The following FCHO1 variants were observed in gnomAD, a reference collection of about 807,000 sequenced individuals.
FCHO1 encodes FCH and mu domain containing endocytic adaptor 1, also known as F-BAR domain only protein 1.
A neutral mutation model predicts 114.4 loss-of-function variants in FCHO1; 45 were observed. The ratio of observed to expected loss-of-function variants is 0.39; its 90% CI spans 0.31 to 0.50. The LOEUF is 0.50. Ranked by LOEUF, FCHO1 falls within the 20% of genes least tolerant of loss-of-function variation. The pLI, the probability that FCHO1 is intolerant of heterozygous loss-of-function variation, is 0.77. For missense variants in FCHO1, 1,042 were observed against 1,209.6 expected, an observed-to-expected ratio of 0.86 and a Z score of 2.06; for synonymous variants, 480 against 488.9, an observed-to-expected ratio of 0.98 and a Z score of 0.24.
chr19:17,786,502 C>A, intron 26 of FCHO1, 72 bp from the exon 27 acceptor site: 1 of 1,497,208 alleles, frequency 6.7e-7, no homozygotes, highest in Non-Finnish European at 9.2e-7. Context: ...AGCCAGGAGG[C>A]AGCTGAGGCA....
chr19:17,772,191 T>C (rs1265363559), intron 9 of FCHO1, among the ~76,000 whole-genome samples: 1 of 149,308 alleles, frequency 6.7e-6, no homozygotes, highest in East Asian at 2.0e-4. Context: ...TGTGTGTGTG[T>C]GCATGTGTGT....
upstream of FCHO1, chr19:17,747,921 G>C (rs530613059): frequency 6.6e-6 from 1 of 152,358 alleles, no homozygotes; most frequent in Non-Finnish European, 1.5e-5. Flanking sequence ...GGCGCGGCGG[G>C]ACGCGAGGGA....
In FCHO1 at chr19:17,776,696, A is replaced by G; in HGVS notation, c.1259+10A>G. ...CCCCCAGAACCAGCAGGTGGGTTCC[A>G]CACGAGTGGGCAGGTGGGGGCTGTC... On this transcript the variant is annotated intron_variant, in intron 18 of 28. Transcript: ENST00000596536. This position sits in a 1 kb window ranked among gnomAD's most constrained non-coding sequence, Gnocchi z 4.4. 1 of 1,613,470 alleles carries G rather than the reference A, an allele frequency of 6.2e-7. No individual in the cohort carries two copies. Among genetic ancestry groups the G allele is most frequent in the South Asian group, 1.1e-5 (1 of 91,060 alleles).
In FCHO1 at chr19:17,751,728, G is replaced by A. The variant is rs541741293; in HGVS notation, c.-183+151G>A. On this transcript the variant is annotated intron_variant, in intron 1 of 28. Transcript: ENST00000596536. The surrounding 1 kb of genome is among the most constrained non-coding windows in gnomAD (Gnocchi z 4.4). ...GGCCAAAGCCTGCATGGGGCCACCC[G>A]TTGCCCTGCCCCCCGTCCCCCATTC... is the stretch of plus-strand genomic sequence containing the variant. Among the ~76,000 whole-genome samples, 3 of 152,352 alleles carry A rather than the reference G, an allele frequency of 2.0e-5. No individual in the cohort carries two copies. The highest frequency in any genetic ancestry group is 1.9e-4 in the East Asian group (1 of 5,182).
At chr19:17,752,510 TCGGCCTCCCAAAG>T (rs879617886) in intron 1 of FCHO1, 63,226 of 151,792 alleles carry the variant, frequency 0.42, 15,095 homozygotes, top group East Asian at 0.74. Context: ...TCCACCCACC[TCGGCCTCCCAAAG>T]TGCTGGGATT....
chr19:17,772,567 A>G lies in FCHO1; in HGVS notation c.693+12A>G. ...TGCAGATTGGGCAGGTGAGTTGGGC[A>G]GGTGTGAGGAATGAGGCTGGGGTCA... On this transcript the variant is annotated intron_variant, in intron 10 of 28. Transcript: ENST00000596536. The G allele has an allele frequency of 1.2e-6, 2 of 1,614,024 alleles. No homozygotes were observed. Among genetic ancestry groups the G allele is most frequent in the South Asian group, 1.1e-5 (1 of 91,084 alleles).
At chr19:17,762,660 C>T (rs535614664) in intron 4 of FCHO1, 102 bp from the exon 5 acceptor site, 541 of 856,920 alleles carry the variant, frequency 6.3e-4, no homozygotes, top group Middle Eastern at 2.6e-3. Context: ...CAAGTCCCTA[C>T]AGCCAAGGGG....
At chr19:17,762,378 G>A (rs1041792569) in intron 4 of FCHO1, among the ~76,000 whole-genome samples, 2 of 150,824 alleles carry the variant, frequency 1.3e-5, no homozygotes, top group Non-Finnish European at 2.9e-5. Context: ...AGTATCCCCT[G>A]TGGCCACATA....
In FCHO1 at chr19:17,770,589, G is replaced by C. The variant is rs375019038; in HGVS notation, c.489+12G>C. ...AGGAGATGGACAAGGTGGGCTCACAGTGGGGGGGTTCTGAGGAATTTGCCG... is the reference window on the plus strand; with the variant it reads ...AGGAGATGGACAAGGTGGGCTCACACTGGGGGGGTTCTGAGGAATTTGCCG... On this transcript the variant is annotated intron_variant, in intron 8 of 28. Coordinates refer to ENST00000596536, the MANE Select transcript of FCHO1 (RefSeq NM_015122.3). 3 of 1,608,156 alleles carry C rather than the reference G, an allele frequency of 1.9e-6. No homozygotes were observed. The African/African-American group carries it at 4.0e-5, about 21-fold the overall frequency.
upstream of FCHO1, among the ~76,000 whole-genome samples, chr19:17,748,100 CT>C (rs2080993507): frequency 6.6e-6 from 1 of 152,176 alleles, no homozygotes; most frequent in African/African-American, 2.4e-5. Context: ...TCCCCAAATT[CT>C]TTTATTCTAA....
intron 7 of FCHO1, 91 bp downstream of exon 7, chr19:17,766,901 C>T (rs2089419559): frequency 8.3e-6 from 11 of 1,321,410 alleles, no homozygotes; most frequent in South Asian, 1.3e-5. Flanking sequence ...TTATAACCTG[C>T]GGATGTCCGC....
At position 17,781,435 on chromosome 19, in the gene FCHO1, GTC is replaced by G; in HGVS notation, c.1741-13_1741-12del. The G allele has an allele frequency of 6.2e-7, 1 of 1,613,918 alleles. No homozygotes were observed. Among genetic ancestry groups the G allele is most frequent in the East Asian group, 2.2e-5 (1 of 44,878 alleles). On this transcript the variant is annotated splice_polypyrimidine_tract_variant and intron_variant, in intron 21 of 28. Coordinates refer to ENST00000596536, the MANE Select transcript of FCHO1 (RefSeq NM_015122.3). ...TCCTGGGGCACTCACAGCCAAGATT[GTC>G]TCTTTCCCTTCCAGTCTCGTTCCCT...
intron 4 of FCHO1, among the ~76,000 whole-genome samples, chr19:17,756,448 A>C (rs1192999634): frequency 6.6e-6 from 1 of 152,230 alleles, no homozygotes; most frequent in Non-Finnish European, 1.5e-5. Flanking sequence ...GGCTCGCTGC[A>C]GAAAATTCAG....
At chr19:17,765,042 C>A (rs1279384782) in intron 6 of FCHO1, among the ~76,000 whole-genome samples, 1 of 126,200 alleles carries the variant, frequency 7.9e-6, no homozygotes, top group Non-Finnish European at 1.6e-5. Context: ...CCAGCCTGGG[C>A]AATAAGAGCG....
At position 17,774,258 on chromosome 19, in the gene FCHO1, A is replaced by G. The variant is rs2092288833; in HGVS notation, c.810A>G (p.Ala270=). 4 of 1,614,086 alleles carry G rather than the reference A, an allele frequency of 2.5e-6. No individual in the cohort carries two copies. Among genetic ancestry groups the G allele is most frequent in the Non-Finnish European group, 2.5e-6 (3 of 1,180,020 alleles). Residue 270 remains alanine, a synonymous_variant, in exon 12 of 29, where the codon GCA becomes GCG. Transcript: ENST00000596536. ...REKPGPLDFE[A]YSAAALQEAM... ...TCTCAGGACCTCTGGACTTCGAGGCATACAGTGCGGCTGCCCTGCAGGAAG... is the reference window on the plus strand; with the variant it reads ...TCTCAGGACCTCTGGACTTCGAGGCGTACAGTGCGGCTGCCCTGCAGGAAG...
Position 17,775,491 on chromosome 19 carries a change from C to T in FCHO1, c.981C>T (p.Val327=), listed in dbSNP as rs1399726501. The part of the protein sequence containing the change: ...CPEVDEEGFT[V]RPDVTQNSTA... ...AGGTGGATGAAGAAGGTTTCACTGT[C>T]CGGCCTGATGTGACCCAGAACAATA... Residue 327 remains valine, a synonymous_variant, in exon 15 of 29, where the codon GTC becomes GTT. Coordinates refer to ENST00000596536, the MANE Select transcript of FCHO1 (RefSeq NM_015122.3). The surrounding 1 kb of genome is among the most constrained non-coding windows in gnomAD (Gnocchi z 5.1). The T allele has an allele frequency of 1.2e-6, 2 of 1,613,862 alleles. No homozygotes were observed. Among genetic ancestry groups the T allele is most frequent in the African/African-American group, 2.7e-5 (2 of 74,888 alleles).
chr19:17,763,783 G>A (rs781325150), intron 5 of FCHO1, among the ~76,000 whole-genome samples: 4 of 151,632 alleles, frequency 2.6e-5, no homozygotes, highest in Non-Finnish European at 5.9e-5. Context: ...GGGTGGTCTC[G>A]AACCCCTGGG....
chr19:17,755,799 G>A (rs1370449523), intron 4 of FCHO1, among the ~76,000 whole-genome samples: 2 of 152,164 alleles, frequency 1.3e-5, no homozygotes, highest in Non-Finnish European at 2.9e-5. Flanking sequence ...CAGTCTGGGG[G>A]ACCCAGAGCC....
chr19:17,787,981 A>C, intron 28 of FCHO1, 135 bp downstream of exon 28: 2 of 1,131,856 alleles, frequency 1.8e-6, no homozygotes, highest in Non-Finnish European at 2.5e-6. Context: ...GAGACCCCAG[A>C]TGGGGGGCAC....
Sources: gnomAD v4.1 joint callset for allele counts (sites outside exome capture counted in the v4.1 genomes callset) on GRCh38, gnomAD v4.1.1 for gene constraint, Gnocchi (gnomAD v3.1) non-coding constraint, MANE v1.5 for transcripts, NCBI Gene and HGNC (gene_info 2026-07-23, HGNC 2026-07-21) for gene names.